Variants in DNAH11 observed in about 807,000 individuals in gnomAD.
DNAH11 encodes dynein axonemal heavy chain 11, also known as axonemal beta dynein heavy chain 11.
Under a neutral mutation model 526.0 loss-of-function variants are expected in DNAH11, and 442 were observed. That is an observed-to-expected ratio of 0.84 (90% CI 0.78 to 0.91). The LOEUF (loss-of-function observed/expected upper bound fraction) is 0.91, where lower values mean the gene tolerates loss of function less well. DNAH11 is among the 40% of genes least tolerant of loss of function. The probability of loss-of-function intolerance (pLI) is 0.00; values close to 1 mark genes in which losing one functional copy is unlikely to be tolerated. For missense variants in DNAH11, 6,989 were observed against 5,448.7 expected (o/e 1.28, Z -8.90); for synonymous variants, 2,461 against 1,935.9 (o/e 1.27, Z -7.12).
chr7:21,738,202 T>G (rs1299753107), intron 46 of DNAH11, among the ~76,000 whole-genome samples: 1 of 152,184 alleles, frequency 6.6e-6, no homozygotes, highest in Non-Finnish European at 1.5e-5. Context: ...TATTCACGGA[T>G]AGTGACTACC....
chr7:21,605,996 G>C (rs761437529), intron 18 of DNAH11, among the ~76,000 whole-genome samples: 1 of 152,148 alleles, frequency 6.6e-6, no homozygotes, highest in Admixed American at 6.5e-5. Context: ...CATTATATAA[G>C]AATGAAGAGA....
At chr7:21,550,708 G>T (rs190654787) in intron 2 of DNAH11, among the ~76,000 whole-genome samples, 1 of 152,244 alleles carries the variant, frequency 6.6e-6, no homozygotes, top group East Asian at 1.9e-4. Flanking sequence ...GAGGTAAAGT[G>T]GCTCCCATTG....
In DNAH11 at chr7:21,682,264, C is replaced by T. The variant is rs984969706; in HGVS notation, c.5460+587C>T. 3.9e-5 allele frequency among the ~76,000 whole-genome samples: 6 copies of T among 152,208 alleles called. No homozygotes were observed. The South Asian group carries it at 6.2e-4, about 16-fold the overall frequency. On this transcript the variant is annotated intron_variant, in intron 31 of 81. Transcript: ENST00000409508. Reference sequence around the variant, plus strand: ...AAAGTCGGCCGGGCATGGTGGCTCACGCCTGTAATCCCAGCACTTTGGGAG... The same window carrying T: ...AAAGTCGGCCGGGCATGGTGGCTCATGCCTGTAATCCCAGCACTTTGGGAG...
rs549128877 is a variant in DNAH11 at position 21,597,181 on chromosome 7, G to A, written c.2668-2606G>A. ...TAAAGCTCTCCTTTCTCTTCCTTTC[G>A]CTCCCTTTATCCGAATGTGCTGAAG... On this transcript the variant is annotated intron_variant, in intron 14 of 81. Coordinates refer to ENST00000409508, the MANE Select transcript of DNAH11 (RefSeq NM_001277115.2). Among the ~76,000 whole-genome samples the A allele has an allele frequency of 5.9e-5, 9 of 152,106 alleles. No individual in the cohort carries two copies. The South Asian group carries it at 6.2e-4, about 11-fold the overall frequency.
At chr7:21,623,293 A>C (rs985210802) in intron 25 of DNAH11, among the ~76,000 whole-genome samples, 10 of 150,896 alleles carry the variant, frequency 6.6e-5, no homozygotes, top group South Asian at 2.1e-4. Flanking sequence ...TAGAATGGCA[A>C]TCATTAAAAA....
chr7:21,593,671 G>T (rs997950561), intron 14 of DNAH11, among the ~76,000 whole-genome samples: 15 of 152,068 alleles, frequency 9.9e-5, no homozygotes, highest in Non-Finnish European at 2.2e-4. Flanking sequence ...TAGGAATGTG[G>T]TGCTCACAGA....
At chr7:21,695,359 G>A (rs1464445376) in intron 35 of DNAH11, among the ~76,000 whole-genome samples, 5 of 152,178 alleles carry the variant, frequency 3.3e-5, no homozygotes, top group African/African-American at 4.8e-5. Flanking sequence ...CAAGGCTGCA[G>A]TATCCAAAAC....
intron 44 of DNAH11, among the ~76,000 whole-genome samples, chr7:21,723,936 T>C (rs1266305188): frequency 6.6e-6 from 1 of 152,276 alleles, no homozygotes; most frequent in Non-Finnish European, 1.5e-5. Context: ...CAACTGTTGA[T>C]GTCTGCGTTT....
Position 21,705,557 on chromosome 7 carries a change from A to T in DNAH11, c.6546+20A>T. 1 of 1,609,348 alleles carries T rather than the reference A, an allele frequency of 6.2e-7. No homozygotes were observed. Among genetic ancestry groups the T allele is most frequent in the Non-Finnish European group, 8.5e-7 (1 of 1,176,046 alleles). On this transcript the variant is annotated intron_variant, in intron 39 of 81. Coordinates refer to ENST00000409508, the MANE Select transcript of DNAH11 (RefSeq NM_001277115.2). ...AGTAAGGTATAGTAAATTGCCTAAT[A>T]GCTTACAGCTATGGAAAGAACATTT...
intron 54 of DNAH11, among the ~76,000 whole-genome samples, chr7:21,763,729 G>A (rs894639089): frequency 2.7e-5 from 4 of 149,646 alleles, no homozygotes; most frequent in African/African-American, 2.5e-5. Flanking sequence ...CGTTATTCAC[G>A]ATAGCTGAGA....
Position 21,749,779 on chromosome 7 carries a change from G to T in DNAH11, c.8775G>T (p.Leu2925=), listed in dbSNP as rs781569602. Residue 2925 remains leucine (L), a synonymous_variant, in exon 53 of 82, where the codon CTG becomes CTT. Transcript: ENST00000409508. ...AQVLDESFLV[L]INDLLASGEI... ...TTCTAGATGAGAGCTTCCTCGTGCT[G>T]ATTAATGACTTGCTGGCATCAGGTG... is the stretch of plus-strand genomic sequence containing the variant. 3.1e-6 allele frequency: 5 copies of T among 1,613,864 alleles called. No individual in the cohort carries two copies. The South Asian group carries it at 4.4e-5, about 14-fold the overall frequency.
chr7:21,721,547 G>C (rs1388063759), intron 44 of DNAH11, among the ~76,000 whole-genome samples: 2 of 152,186 alleles, frequency 1.3e-5, no homozygotes, highest in Non-Finnish European at 2.9e-5. Context: ...TTGAGTTCCA[G>C]CAAGGACTCT....
At chr7:21,765,299 C>T in intron 54 of DNAH11, 129 bp from the exon 55 acceptor site, 3 of 1,365,776 alleles carry the variant, frequency 2.2e-6, no homozygotes, top group Middle Eastern at 1.9e-4. Flanking sequence ...GCTGTCCACT[C>T]TCTAGGGCTT....
intron 63 of DNAH11, among the ~76,000 whole-genome samples, chr7:21,816,138 A>G (rs1202882916): frequency 6.6e-6 from 1 of 152,132 alleles, no homozygotes; most frequent in Non-Finnish European, 1.5e-5. Flanking sequence ...ATGGGCAAAT[A>G]TATTTCTGGT....
chr7:21,573,715 G>A lies in DNAH11; in HGVS notation c.1593+1742G>A, dbSNP rs188261236. The stretch of plus-strand genomic sequence containing the variant: ...TATGCATATATTTGCATGTACATAT[G>A]AATACATGCCCAACCTCTGCCCTTC... On this transcript the variant is annotated intron_variant, in intron 8 of 81. Transcript: ENST00000409508. 4.9e-3 allele frequency among the ~76,000 whole-genome samples: 748 copies of A among 152,088 alleles called. 12 individuals carry two copies. The highest frequency in any genetic ancestry group is 0.017 in the African/African-American group (711 of 41,482).
At chr7:21,854,192 C>T (rs1177420843) in intron 67 of DNAH11, 123 bp from the exon 68 acceptor site, 12 of 938,556 alleles carry the variant, frequency 1.3e-5, no homozygotes, top group East Asian at 8.7e-5. Flanking sequence ...ACATGGATGC[C>T]ATGCATGTTA....
At chr7:21,798,620 C>T (rs1256623820) in intron 61 of DNAH11, among the ~76,000 whole-genome samples, 1 of 152,184 alleles carries the variant, frequency 6.6e-6, no homozygotes, top group Non-Finnish European at 1.5e-5. Context: ...TTTAGCAAAT[C>T]ACTCAACTGA....
chr7:21,645,584 G>A (rs1031585278), intron 28 of DNAH11, among the ~76,000 whole-genome samples: 5 of 152,104 alleles, frequency 3.3e-5, no homozygotes, highest in Non-Finnish European at 5.9e-5. Context: ...CCCCATTAAG[G>A]AGGATATATA....
intron 74 of DNAH11, among the ~76,000 whole-genome samples, chr7:21,878,374 A>G (rs1185423255): frequency 6.6e-6 from 1 of 152,242 alleles, no homozygotes; most frequent in Admixed American, 6.5e-5. Context: ...TATGTGGACT[A>G]TCTGTAATTC....
Sources: gnomAD v4.1 joint callset for allele counts (sites outside exome capture counted in the v4.1 genomes callset) on GRCh38, gnomAD v4.1.1 for gene constraint, MANE v1.5 for transcripts, NCBI Gene and HGNC (gene_info 2026-07-23, HGNC 2026-07-21) for gene names.